ATP7B: variants seen among roughly 807,000 people sequenced by gnomAD.
The protein encoded by ATP7B is copper-transporting ATPase 2.
Under a neutral mutation model 118.9 loss-of-function variants are expected in ATP7B, and 113 were observed. The observed-to-expected ratio is 0.95, with a 90% CI of 0.82 to 1.11. The LOEUF (loss-of-function observed/expected upper bound fraction) is 1.11, where lower values mean the gene tolerates loss of function less well. ATP7B is among the 50% of genes most tolerant of loss of function. The pLI, the probability that ATP7B is intolerant of heterozygous loss-of-function variation, is 0.00. For synonymous variants in ATP7B, 777 were observed against 727.4 expected (o/e 1.07, Z -1.10); for missense variants, 1,867 against 1,871.4 (o/e 1.00, Z 0.04).
chr13:51,935,344 T>G (rs1394451040), intron 20 of ATP7B, among the ~76,000 whole-genome samples: 1 of 152,238 alleles, frequency 6.6e-6, no homozygotes, highest in Non-Finnish European at 1.5e-5. Context: ...GTCTGCTTGA[T>G]GTTCACATAA....
chr13:52,001,171 G>T (rs1395614860), intron 1 of ATP7B, among the ~76,000 whole-genome samples: 1 of 152,046 alleles, frequency 6.6e-6, no homozygotes, highest in Non-Finnish European at 1.5e-5. Flanking sequence ...AAGAACCCTG[G>T]TCCAAGCCAC....
chr13:51,998,840 T>G (rs569014147), intron 1 of ATP7B, among the ~76,000 whole-genome samples: 1 of 152,282 alleles, frequency 6.6e-6, no homozygotes, highest in Non-Finnish European at 1.5e-5. Flanking sequence ...GGACATCTGG[T>G]TAAAATATTT....
At chr13:51,990,844 C>T (rs1205990367) in intron 1 of ATP7B, among the ~76,000 whole-genome samples, 1 of 152,246 alleles carries the variant, frequency 6.6e-6, no homozygotes, top group Non-Finnish European at 1.5e-5. Context: ...AATCCCAGCA[C>T]TTCGGGAGGC....
chr13:51,950,744 G>C (rs929819406), intron 9 of ATP7B, among the ~76,000 whole-genome samples: 2 of 151,444 alleles, frequency 1.3e-5, no homozygotes. Flanking sequence ...TCTTAGAGTG[G>C]CAGAGGGAGG....
chr13:52,008,442 A>G (rs761129103), intron 1 of ATP7B, among the ~76,000 whole-genome samples: 21 of 152,340 alleles, frequency 1.4e-4, no homozygotes, highest in Middle Eastern at 3.4e-3. Flanking sequence ...AGGTTGGAGC[A>G]CGGGGCTGAA....
chr13:51,968,069 T>C (rs746085636), intron 4 of ATP7B, among the ~76,000 whole-genome samples: 1 of 152,206 alleles, frequency 6.6e-6, no homozygotes, highest in Non-Finnish European at 1.5e-5. Flanking sequence ...CTTGAGATAG[T>C]TGCAGGCATG....
chr13:51,949,526 T>G, intron 12 of ATP7B, 136 bp downstream of exon 12: 2 of 1,302,948 alleles, frequency 1.5e-6, no homozygotes, highest in Non-Finnish European at 2.2e-6. Context: ...TAGATTTTGC[T>G]GTCAATAAGA....
At chr13:51,991,007 G>T (rs561861697) in intron 1 of ATP7B, among the ~76,000 whole-genome samples, 2 of 152,180 alleles carry the variant, frequency 1.3e-5, no homozygotes, top group East Asian at 3.9e-4. Flanking sequence ...AGAATCGCTT[G>T]AGCCTGGGAG....
intron 12 of ATP7B, among the ~76,000 whole-genome samples, chr13:51,948,175 A>T (rs1403086084): frequency 6.6e-6 from 1 of 152,208 alleles, no homozygotes; most frequent in Non-Finnish European, 1.5e-5. Flanking sequence ...CATCCTAGTA[A>T]ATGACATGTG....
At chr13:52,009,598 G>A (rs970563157) in intron 1 of ATP7B, among the ~76,000 whole-genome samples, 2 of 152,168 alleles carry the variant, frequency 1.3e-5, no homozygotes, top group Non-Finnish European at 2.9e-5. Context: ...CTCACGGCAC[G>A]TTAGTAAATG....
chr13:51,950,101 G>C lies in ATP7B; in HGVS notation c.2636C>G (p.Ala879Gly). The C allele has an allele frequency of 6.2e-7, 1 of 1,614,222 alleles. No homozygotes were observed. The highest frequency in any genetic ancestry group is 8.5e-7 in the Non-Finnish European group (1 of 1,180,038). ...GSTVIAGSIN[A>G]HGSVLIKATH... ...AGCTTTAATGAGCACAGAGCCATGT[G>C]CATTTATAGACCCCGCAATTACAGT... is the stretch of plus-strand genomic sequence containing the variant. Residue 879 changes from alanine to glycine, a missense_variant, in exon 11 of 21, where the codon GCA becomes GGA. By Grantham distance (60) the Ala-to-Gly change is moderately conservative (BLOSUM62 0). Transcript: ENST00000242839.
In ATP7B at chr13:51,958,387, G is replaced by T; in HGVS notation, c.2279C>A (p.Pro760His). ...GGGGGGCGTGTCGAAGAATGTCACA[G>T]GGCTCCTCTCCGCCTTCTCAGCCAC... Reference protein sequence around the residue: ...VAVAEKAERSPVTFFDTPPML... With the variant: ...VAVAEKAERSHVTFFDTPPML... Residue 760 changes from proline to histidine, a missense_variant, in exon 8 of 21, where the codon CCT becomes CAT. By Grantham distance (77) the Pro-to-His change is moderately conservative. Transcript: ENST00000242839. 1 of 1,614,206 alleles carries T rather than the reference G, an allele frequency of 6.2e-7. No individual in the cohort carries two copies. Among genetic ancestry groups the T allele is most frequent in the Non-Finnish European group, 8.5e-7 (1 of 1,180,042 alleles).
intron 2 of ATP7B, among the ~76,000 whole-genome samples, chr13:51,971,687 ACTT>A (rs1483804722): frequency 6.6e-6 from 1 of 152,250 alleles, no homozygotes; most frequent in South Asian, 2.1e-4. Flanking sequence ...CCTTCCTGAA[ACTT>A]GATACAAAAG....
chr13:52,002,364 C>A (rs1016523934), intron 1 of ATP7B, among the ~76,000 whole-genome samples: 2 of 150,160 alleles, frequency 1.3e-5, no homozygotes, highest in Non-Finnish European at 3.0e-5. Context: ...GAGTTTAAAA[C>A]CAGCTTGGGC....
intron 7 of ATP7B, 124 bp from the exon 8 acceptor site, chr13:51,958,668 T>C (rs922516152): frequency 1.2e-6 from 1 of 810,232 alleles, no homozygotes; most frequent in Admixed American, 2.0e-5. Context: ...ACAGTACTTC[T>C]TCCTCTGTGA....
intron 3 of ATP7B, among the ~76,000 whole-genome samples, chr13:51,969,106 G>A (rs562030209): frequency 3.3e-5 from 5 of 150,642 alleles, no homozygotes; most frequent in South Asian, 2.1e-4. Context: ...TGATCCGCTC[G>A]CCTTGGCCTC....
At chr13:51,942,577 A>G in intron 14 of ATP7B, 23 bp from the exon 15 acceptor site, 1 of 1,613,748 alleles carries the variant, frequency 6.2e-7, no homozygotes, top group African/African-American at 1.3e-5. Flanking sequence ...AAAGAGAGGA[A>G]GAGGAAACTG....
Position 51,974,031 on chromosome 13 carries a change from C to G in ATP7B, c.1189G>C (p.Gly397Arg), listed in dbSNP as rs765501691. ...VQQISVSLAE[G>R]TATVLYNPSV... ...GGATTATAAAGAACTGTTGCAGTCC[C>G]TTCGGCCAAAGACACCGATATTTGC... Residue 397 changes from glycine to arginine, a missense_variant, in exon 2 of 21, where the codon GGG (glycine) becomes CGG (arginine). Physicochemically the swap from Gly to Arg is moderately radical, Grantham distance 125. Transcript: ENST00000242839. 1 of 1,614,262 alleles carries G rather than the reference C, an allele frequency of 6.2e-7. No individual in the cohort carries two copies. Among genetic ancestry groups the G allele is most frequent in the Middle Eastern group, 1.6e-4 (1 of 6,062 alleles).
intron 8 of ATP7B, 48 bp downstream of exon 8, chr13:51,958,263 T>C (rs1403174382): frequency 1.3e-6 from 2 of 1,576,432 alleles, no homozygotes; most frequent in African/African-American, 1.4e-5. Flanking sequence ...GAAGTGAGAT[T>C]TGTTTACTGA....
Sources: gnomAD v4.1 joint callset for allele counts (sites outside exome capture counted in the v4.1 genomes callset) on GRCh38, gnomAD v4.1.1 for gene constraint, MANE v1.5 for transcripts, NCBI Gene and HGNC (gene_info 2026-07-23, HGNC 2026-07-21) for gene names.